MAF: variants seen among roughly 807,000 people sequenced by gnomAD.
MAF encodes the protein MAF bZIP transcription factor, also known as transcription factor Maf.
Under a neutral mutation model 22.0 loss-of-function variants are expected in MAF, and 10 were observed. That is an observed-to-expected ratio of 0.45 (90% CI 0.28 to 0.77). The LOEUF is 0.77. Among genes scored for constraint, MAF ranks in the 30% least tolerant of loss-of-function variants. The pLI is 0.12. For synonymous variants in MAF, 337 were observed against 255.8 expected (o/e 1.32, Z -3.03); for missense variants, 544 against 548.4 (o/e 0.99, Z 0.08).
At chr16:79,411,927 T>C in the MAF span, among the ~76,000 whole-genome samples, 3 of 145,626 alleles carry the variant, frequency 2.1e-5, no homozygotes, top group Admixed American at 1.3e-4. Context: ...GAGAGTTAGA[T>C]GAGATGGTGT....
the MAF span, among the ~76,000 whole-genome samples, chr16:79,510,082 C>T: frequency 5.9e-5 from 9 of 152,234 alleles, no homozygotes; most frequent in South Asian, 2.1e-4. Flanking sequence ...TTTACTAGCT[C>T]GGCGATTGCA....
chr16:79,532,935 A>G, the MAF span, among the ~76,000 whole-genome samples: 1 of 152,222 alleles, frequency 6.6e-6, no homozygotes, highest in African/African-American at 2.4e-5. Context: ...TCATTGCTGC[A>G]AGCTGGCCTT....
At chr16:79,265,509 C>CCT in the MAF span, among the ~76,000 whole-genome samples, 52,840 of 151,912 alleles carry the variant, frequency 0.35, 9,669 homozygotes, top group African/African-American at 0.45. Flanking sequence ...CCAGTGGACC[C>CCT]GATACCACAG....
At chr16:79,352,645 T>G in the MAF span, among the ~76,000 whole-genome samples, 2 of 152,190 alleles carry the variant, frequency 1.3e-5, no homozygotes, top group African/African-American at 4.8e-5. Flanking sequence ...CCTCAGCTAA[T>G]AAAAAGTAGA....
chr16:79,337,347 G>A, the MAF span, among the ~76,000 whole-genome samples: 3 of 152,100 alleles, frequency 2.0e-5, no homozygotes, highest in East Asian at 1.9e-4. Context: ...CGAGGCAGGC[G>A]GATCACCAGG....
chr16:79,571,762 T>G, the MAF span, among the ~76,000 whole-genome samples: 1 of 152,070 alleles, frequency 6.6e-6, no homozygotes, highest in Non-Finnish European at 1.5e-5. Context: ...CCCAGTCAAA[T>G]CTAGATTCAC....
chr16:79,590,015 C>A (rs1913095792), downstream of MAF, among the ~76,000 whole-genome samples: 1 of 152,194 alleles, frequency 6.6e-6, no homozygotes, highest in Admixed American at 6.5e-5. Flanking sequence ...GGACCCGCCC[C>A]CTCTGTCTGG....
chr16:79,445,286 G>A, the MAF span, among the ~76,000 whole-genome samples: 1 of 151,756 alleles, frequency 6.6e-6, no homozygotes, highest in South Asian at 2.1e-4. Flanking sequence ...CTCGTGATCT[G>A]CCCGCCTTGG....
chr16:79,217,551 C>T, the MAF span, among the ~76,000 whole-genome samples: 1 of 152,228 alleles, frequency 6.6e-6, no homozygotes, highest in South Asian at 2.1e-4. Context: ...CTCTCCTGTT[C>T]TGACTGTAAG....
rs2143820888 is a variant in MAF, at chr16:79,599,918, G to A, written c.-16C>T. 4 of 1,577,312 alleles carry A rather than the reference G, an allele frequency of 2.5e-6. No individual in the cohort carries two copies. The highest frequency in any genetic ancestry group is 8.6e-7 in the Non-Finnish European group (1 of 1,166,292). On this transcript the variant is annotated 5_prime_UTR_variant, in exon 1 of 2. Coordinates refer to ENST00000326043, the MANE Select transcript of MAF (RefSeq NM_005360.5). Reference sequence around the variant, plus strand: ...CTGATGCCATTCTCCTGCCGCCGCCGCCGCCGCCGCCGCCGCTCCGCCAGA... The same window carrying A: ...CTGATGCCATTCTCCTGCCGCCGCCACCGCCGCCGCCGCCGCTCCGCCAGA...
the MAF span, among the ~76,000 whole-genome samples, chr16:79,217,986 T>TAAAAAAAA: frequency 9.8e-4 from 51 of 52,124 alleles, no homozygotes; most frequent in South Asian, 3.0e-3. Flanking sequence ...GAAGCTTATG[T>TAAAAAAAA]AAAAAAAAAA....
the MAF span, among the ~76,000 whole-genome samples, chr16:79,325,607 A>C: frequency 8.6e-6 from 1 of 116,068 alleles, no homozygotes; most frequent in East Asian, 1.9e-4. Flanking sequence ...AAACACACAC[A>C]CACACACACA....
At chr16:79,385,652 G>C in the MAF span, among the ~76,000 whole-genome samples, 1 of 152,172 alleles carries the variant, frequency 6.6e-6, no homozygotes, top group Non-Finnish European at 1.5e-5. Flanking sequence ...TATAATCCCA[G>C]CACTTTGGGA....
chr16:79,244,964 G>T, the MAF span, among the ~76,000 whole-genome samples: 1 of 151,994 alleles, frequency 6.6e-6, no homozygotes, highest in Non-Finnish European at 1.5e-5. Context: ...CAATCAATGG[G>T]GAAAGGTTTC....
chr16:79,387,833 C>A, the MAF span, among the ~76,000 whole-genome samples: 1 of 152,172 alleles, frequency 6.6e-6, no homozygotes, highest in Non-Finnish European at 1.5e-5. Flanking sequence ...CTAACTTCAT[C>A]ACGTGAGGAT....
chr16:79,595,498 C>A, intron 1 of MAF: 3 of 1,059,610 alleles, frequency 2.8e-6, no homozygotes, highest in Non-Finnish European at 3.4e-6. Flanking sequence ...CTTTGTCTAA[C>A]ATTCTATTGG....
At chr16:79,395,319 C>T in the MAF span, among the ~76,000 whole-genome samples, 1 of 152,146 alleles carries the variant, frequency 6.6e-6, no homozygotes. Flanking sequence ...TTTTAGATCC[C>T]ACAGTGAGGG....
chr16:79,394,958 T>C, the MAF span, among the ~76,000 whole-genome samples: 2 of 152,346 alleles, frequency 1.3e-5, no homozygotes, highest in South Asian at 2.1e-4. Context: ...GCCAGCTCTA[T>C]AGCACAGAGC....
the MAF span, among the ~76,000 whole-genome samples, chr16:79,539,016 A>G: frequency 1.3e-5 from 2 of 152,234 alleles, no homozygotes; most frequent in South Asian, 2.1e-4. Flanking sequence ...GCCATAAATA[A>G]AAATACAGAA....
Sources: gnomAD v4.1 joint callset for allele counts (sites outside exome capture counted in the v4.1 genomes callset) on GRCh38, gnomAD v4.1.1 for gene constraint, MANE v1.5 for transcripts, NCBI Gene and HGNC (gene_info 2026-07-23, HGNC 2026-07-21) for gene names.